The following AKR1C3 variants were observed in gnomAD, a reference collection of about 807,000 sequenced individuals.
The protein encoded by AKR1C3 is 3-alpha hydroxysteroid dehydrogenase, type II.
A neutral mutation model predicts 43.6 loss-of-function variants in AKR1C3; 48 were observed. That is an observed-to-expected ratio of 1.10 (90% CI 0.87 to 1.40). AKR1C3 has a LOEUF of 1.40. Among genes scored for constraint, AKR1C3 ranks in the 40% most tolerant of loss-of-function variants. The pLI is 0.00. For missense variants in AKR1C3, 482 were observed against 391.2 expected (o/e 1.23, Z -1.96); for synonymous variants, 162 against 139.6 (o/e 1.16, Z -1.13).
intron 5 of AKR1C3, among the ~76,000 whole-genome samples, chr10:5,101,393 C>A (rs551365060): frequency 6.6e-6 from 1 of 151,908 alleles, no homozygotes; most frequent in Non-Finnish European, 1.5e-5. Flanking sequence ...TTTAACTATT[C>A]TTACGTGACA....
At chr10:5,073,916 C>T (rs1838659465) in intron 1 of AKR1C3, among the ~76,000 whole-genome samples, 1 of 151,838 alleles carries the variant, frequency 6.6e-6, no homozygotes, top group Admixed American at 6.6e-5. Flanking sequence ...TCTTAGGGCC[C>T]CAAAATCACT....
chr10:5,075,511 A>C (rs906969686), intron 1 of AKR1C3, among the ~76,000 whole-genome samples: 11 of 152,066 alleles, frequency 7.2e-5, no homozygotes, highest in African/African-American at 2.2e-4. Flanking sequence ...TAAAGGATTG[A>C]TCTACTGGTA....
At chr10:5,076,737 C>G (rs1384725218) in intron 1 of AKR1C3, among the ~76,000 whole-genome samples, 1 of 152,134 alleles carries the variant, frequency 6.6e-6, no homozygotes, top group Non-Finnish European at 1.5e-5. Flanking sequence ...TAAGACATAT[C>G]GTAAAACTCA....
At chr10:5,089,861 A>G (rs1262979088), upstream of AKR1C3, among the ~76,000 whole-genome samples, 1 of 152,082 alleles carries the variant, frequency 6.6e-6, no homozygotes, top group African/African-American at 2.4e-5. Flanking sequence ...GGAGAAGCCG[A>G]GAGTTCTTGG....
rs117164242 is a variant in AKR1C3, at chr10:5,075,171, T to C, written c.85-21239T>C. Among the ~76,000 whole-genome samples, 142 of 151,956 alleles carry C rather than the reference T, an allele frequency of 9.3e-4. 1 individual carries two copies. In the East Asian group the frequency reaches 0.022, roughly 23 times the overall value. On this transcript the variant is annotated intron_variant, in intron 1 of 8. Coordinates refer to the AKR1C3 transcript ENST00000439082. ...CATAACCCATGTTGCCACTACAATCTGTTTTGCCAAGATTTAAGTCCCTCT... is the reference window on the plus strand; with the variant it reads ...CATAACCCATGTTGCCACTACAATCCGTTTTGCCAAGATTTAAGTCCCTCT...
chr10:5,072,983 A>C (rs1554781462), intron 1 of AKR1C3, among the ~76,000 whole-genome samples: 1 of 152,090 alleles, frequency 6.6e-6, no homozygotes, highest in Non-Finnish European at 1.5e-5. Flanking sequence ...TTTATTTTCG[A>C]GACAGAGTCT....
In AKR1C3 at chr10:5,095,880, GC is replaced by G. The variant is rs536104515; in HGVS notation, c.85-529del. Among the ~76,000 whole-genome samples the G allele has an allele frequency of 6.7e-5, 10 of 149,344 alleles. No individual in the cohort carries two copies. The South Asian group carries it at 1.9e-3, about 28-fold the overall frequency. ...ACTTAATAGACTACTATTCACAGAT[GC>G]TTTATTTCCCAAGTGAACCCTAGTT... is the stretch of plus-strand genomic sequence containing the variant. On this transcript the variant is annotated intron_variant, in intron 1 of 8. Coordinates refer to ENST00000380554, the MANE Select transcript of AKR1C3 (RefSeq NM_003739.6).
At chr10:5,078,392 T>C (rs1554782048) in intron 1 of AKR1C3, among the ~76,000 whole-genome samples, 1 of 152,204 alleles carries the variant, frequency 6.6e-6, no homozygotes, top group East Asian at 1.9e-4. Flanking sequence ...TGCAGTGAAC[T>C]GATATTGCAC....
chr10:5,052,327 T>A (rs1386910748), intron 1 of AKR1C3, among the ~76,000 whole-genome samples: 1 of 152,164 alleles, frequency 6.6e-6, no homozygotes, highest in Non-Finnish European at 1.5e-5. Context: ...GTAGCAAGAT[T>A]TATTGCAAAG....
chr10:5,085,397 G>A (rs1314241393), intron 1 of AKR1C3, among the ~76,000 whole-genome samples: 3 of 151,986 alleles, frequency 2.0e-5, no homozygotes. Flanking sequence ...TGCATATGTT[G>A]AACCAACCTT....
Position 5,105,982 on chromosome 10 carries a change from G to GA in AKR1C3, c.929+306dup, listed in dbSNP as rs587710710. Among the ~76,000 whole-genome samples, 308 of 152,280 alleles carry GA rather than the reference G, an allele frequency of 2.0e-3. 1 individual carries two copies. The highest frequency in any genetic ancestry group is 7.2e-3 in the African/African-American group (298 of 41,548). On this transcript the variant is annotated intron_variant, in intron 8 of 8. Coordinates refer to ENST00000380554, the MANE Select transcript of AKR1C3 (RefSeq NM_003739.6). ...TGTTTCTACCACTGGACATGCTGTG[G>GA]ATACTGCCCATGTGACTTCATTAGA...
chr10:5,058,512 T>C (rs1007255484), intron 1 of AKR1C3, among the ~76,000 whole-genome samples: 1 of 152,144 alleles, frequency 6.6e-6, no homozygotes, highest in Admixed American at 6.6e-5. Context: ...TGCCTGAGTG[T>C]TTCCCATCTG....
chr10:5,102,920 T>G (rs1292760441), intron 7 of AKR1C3, among the ~76,000 whole-genome samples: 1 of 150,826 alleles, frequency 6.6e-6, no homozygotes, highest in East Asian at 1.9e-4. Context: ...GGAACATCAT[T>G]TTTTCATGTT....
chr10:5,082,613 G>T (rs1554782498), intron 1 of AKR1C3, among the ~76,000 whole-genome samples: 1 of 152,030 alleles, frequency 6.6e-6, no homozygotes, highest in Non-Finnish European at 1.5e-5. Flanking sequence ...ATTTGTGTAT[G>T]TTTAATCATC....
rs146552480 is a variant in AKR1C3, at chr10:5,105,617, C to T, written c.869C>T (p.Ala290Val). ...TAGGTTTTTGAGTTCCAGTTGACTG[C>T]AGAGGACATGAAAGCCATAGATGGC... ...NVQVFEFQLT[A>V]EDMKAIDGLD... Residue 290 changes from alanine to valine, a missense_variant, in exon 8 of 9, where the codon GCA becomes GTA. Transcript: ENST00000380554. 2.0e-4 allele frequency: 321 copies of T among 1,613,930 alleles called. 1 individual carries two copies. The highest frequency in any genetic ancestry group is 1.9e-3 in the African/African-American group (140 of 75,036).
intron 1 of AKR1C3, among the ~76,000 whole-genome samples, chr10:5,070,657 G>A (rs1268955918): frequency 1.3e-5 from 2 of 152,234 alleles, no homozygotes; most frequent in Non-Finnish European, 2.9e-5. Flanking sequence ...ATTGGATCTT[G>A]AGTGTGGAAC....
At chr10:5,079,489 C>T (rs1838785762) in intron 1 of AKR1C3, among the ~76,000 whole-genome samples, 1 of 152,068 alleles carries the variant, frequency 6.6e-6, no homozygotes. Context: ...CTCTGAGGCA[C>T]ACCCCACCCC....
intron 1 of AKR1C3, among the ~76,000 whole-genome samples, chr10:5,061,237 C>A (rs533954804): frequency 1.3e-5 from 2 of 152,226 alleles, no homozygotes; most frequent in East Asian, 3.9e-4. Flanking sequence ...TTTTGCAGAC[C>A]TTTTTGAGGT....
At chr10:5,059,427 C>T (rs537079826) in intron 1 of AKR1C3, among the ~76,000 whole-genome samples, 1 of 152,188 alleles carries the variant, frequency 6.6e-6, no homozygotes, top group Admixed American at 6.5e-5. Flanking sequence ...GAGTTCCACT[C>T]ATGGCTGCAG....
Sources: gnomAD v4.1 joint callset for allele counts (sites outside exome capture counted in the v4.1 genomes callset) on GRCh38, gnomAD v4.1.1 for gene constraint, MANE v1.5 for transcripts, NCBI Gene and HGNC (gene_info 2026-07-23, HGNC 2026-07-21) for gene names.